SLC44A5: variants seen among roughly 807,000 people sequenced by gnomAD.
SLC44A5 encodes choline transporter-like protein 5.
A neutral mutation model predicts 101.8 loss-of-function variants in SLC44A5; 57 were observed. The ratio of observed to expected loss-of-function variants is 0.56; its 90% CI spans 0.45 to 0.70. The LOEUF (loss-of-function observed/expected upper bound fraction) is 0.70, where lower values mean the gene tolerates loss of function less well. Among genes scored for constraint, SLC44A5 ranks in the 30% least tolerant of loss-of-function variants. The probability of loss-of-function intolerance (pLI) is 0.00; values close to 1 mark genes in which losing one functional copy is unlikely to be tolerated. For synonymous variants in SLC44A5, 281 were observed against 290.9 expected (o/e 0.97, Z 0.35); for missense variants, 737 against 853.1 (o/e 0.86, Z 1.70).
At chr1:75,649,042 A>G in the SLC44A5 span, among the ~76,000 whole-genome samples, 39 of 152,206 alleles carry the variant, frequency 2.6e-4, no homozygotes, top group Non-Finnish European at 4.9e-4. Flanking sequence ...TAGCTGGGAA[A>G]CTATTGGGTA....
chr1:75,676,607 GAGAT>G, the SLC44A5 span, among the ~76,000 whole-genome samples: 1 of 152,190 alleles, frequency 6.6e-6, no homozygotes, highest in Non-Finnish European at 1.5e-5. Flanking sequence ...TTTATAACAG[GAGAT>G]AGATTGATAG....
chr1:75,413,536 T>C lies in SLC44A5; in HGVS notation c.14-16915A>G, dbSNP rs74089221. On this transcript the variant is annotated intron_variant, in intron 2 of 23. Coordinates refer to ENST00000370859, the MANE Select transcript of SLC44A5 (RefSeq NM_001130058.2). ...AGTTTTTCTATTATCTGGGATCTCA[T>C]ATATTTATTTATGACTGTCTAGAAT... Among the ~76,000 whole-genome samples the C allele has an allele frequency of 9.6e-3, 1,465 of 152,326 alleles. 22 individuals carry two copies. Among genetic ancestry groups the C allele is most frequent in the African/African-American group, 0.033 (1,369 of 41,558 alleles).
chr1:75,468,453 C>T lies in SLC44A5; in HGVS notation c.14-71832G>A, dbSNP rs182497127. Among the ~76,000 whole-genome samples the T allele has an allele frequency of 1.3e-3, 196 of 152,106 alleles. 2 individuals are homozygous for T. Among genetic ancestry groups the T allele is most frequent in the African/African-American group, 4.6e-3 (193 of 41,514 alleles). On this transcript the variant is annotated intron_variant, in intron 2 of 23. Transcript: ENST00000370859. ...TCAACAAATGAGTAAATAAAGAAAA[C>T]ATCATATTATACACCATGTAGTACT...
intron 2 of SLC44A5, among the ~76,000 whole-genome samples, chr1:75,482,646 G>A (rs1008628566): frequency 6.6e-5 from 10 of 152,232 alleles, no homozygotes; most frequent in African/African-American, 2.4e-4. Flanking sequence ...TCAGGAACAT[G>A]AGTCTAATAC....
Position 75,274,966 on chromosome 1 carries a change from A to G in SLC44A5, c.252T>C (p.Thr84=). The G allele has an allele frequency of 6.2e-7, 1 of 1,612,162 alleles. No homozygotes were observed. The highest frequency in any genetic ancestry group is 8.5e-7 in the Non-Finnish European group (1 of 1,179,042). The change falls in exon 6 of 24, where the codon ACT becomes ACC. Residue 84 remains threonine, a synonymous_variant. Transcript: ENST00000370859. ...SQGHFCGQKG[T]PNENKTILFY... is the part of the protein sequence containing the mutation. ...AAGGTGGCCATACTCACTCATTGGGAGTGCCCTTCTGGCCACAAAAGTGGC... is the reference window on the plus strand; with the variant it reads ...AAGGTGGCCATACTCACTCATTGGGGGTGCCCTTCTGGCCACAAAAGTGGC...
chr1:75,681,748 T>C, the SLC44A5 span, among the ~76,000 whole-genome samples: 1 of 149,766 alleles, frequency 6.7e-6, no homozygotes, highest in Non-Finnish European at 1.5e-5. Context: ...GTGTTGGAAG[T>C]TCTGGCCAGG....
intron 2 of SLC44A5, among the ~76,000 whole-genome samples, chr1:75,517,860 A>T (rs753227837): frequency 4.6e-5 from 7 of 152,192 alleles, no homozygotes; most frequent in Non-Finnish European, 7.3e-5. Flanking sequence ...GAATAGTTAG[A>T]AAGTGCTTTG....
At chr1:75,354,488 A>T (rs1658921696) in intron 3 of SLC44A5, among the ~76,000 whole-genome samples, 2 of 151,906 alleles carry the variant, frequency 1.3e-5, no homozygotes, top group African/African-American at 4.8e-5. Flanking sequence ...TTTCCTTTCA[A>T]CCCCCACATC....
chr1:75,447,142 A>G (rs1665629982), intron 2 of SLC44A5, among the ~76,000 whole-genome samples: 2 of 152,176 alleles, frequency 1.3e-5, no homozygotes, highest in South Asian at 2.1e-4. Context: ...CCACCACTTC[A>G]TGTGTTAAAC....
chr1:75,644,929 A>C, the SLC44A5 span, among the ~76,000 whole-genome samples: 1 of 152,050 alleles, frequency 6.6e-6, no homozygotes, highest in South Asian at 2.1e-4. Context: ...TTCCAGCTTC[A>C]TCCATGTCCC....
At chr1:75,317,762 T>G (rs182646449) in intron 4 of SLC44A5, among the ~76,000 whole-genome samples, 2 of 152,278 alleles carry the variant, frequency 1.3e-5, no homozygotes, top group Admixed American at 1.3e-4. Flanking sequence ...TCCTTCTTGC[T>G]CCATCCTCAC....
intron 2 of SLC44A5, among the ~76,000 whole-genome samples, chr1:75,494,008 C>T (rs1570443863): frequency 6.6e-6 from 1 of 152,208 alleles, no homozygotes; most frequent in Non-Finnish European, 1.5e-5. Context: ...CCTATGGCTT[C>T]TCTCACTGCT....
intron 4 of SLC44A5, among the ~76,000 whole-genome samples, chr1:75,304,293 G>GGT (rs71081327): frequency 0.022 from 1,436 of 65,446 alleles, 22 homozygotes; most frequent in African/African-American, 0.059. Context: ...TTTTTAAATA[G>GGT]GTGTGTGTGT....
At chr1:75,318,423 GAAAGA>G (rs1157166433) in intron 4 of SLC44A5, among the ~76,000 whole-genome samples, 3 of 133,392 alleles carry the variant, frequency 2.2e-5, no homozygotes, top group Non-Finnish European at 5.1e-5. Flanking sequence ...AAGAAAGAAA[GAAAGA>G]AAGAAATCTG....
At chr1:75,281,479 C>G (rs1652547887) in intron 5 of SLC44A5, among the ~76,000 whole-genome samples, 1 of 152,070 alleles carries the variant, frequency 6.6e-6, no homozygotes. Context: ...AAATTCAAGC[C>G]TGCTGCAGAA....
chr1:75,440,684 T>C (rs370291926), intron 2 of SLC44A5, among the ~76,000 whole-genome samples: 20 of 152,134 alleles, frequency 1.3e-4, no homozygotes, highest in African/African-American at 4.8e-4. Context: ...TGGGAAACTA[T>C]TGCAATAATC....
intron 1 of SLC44A5, among the ~76,000 whole-genome samples, chr1:75,606,983 C>T (rs1011250773): frequency 3.3e-5 from 5 of 151,948 alleles, no homozygotes; most frequent in Admixed American, 1.3e-4. Context: ...CCCAGTGAGT[C>T]TTCCAGTCTG....
chr1:75,535,992 T>C (rs895094542), intron 2 of SLC44A5, among the ~76,000 whole-genome samples: 2 of 148,896 alleles, frequency 1.3e-5, no homozygotes, highest in African/African-American at 5.0e-5. Context: ...GAGGATTGTT[T>C]GAGCCCAGGA....
chr1:75,507,408 G>A (rs755633470), intron 2 of SLC44A5, among the ~76,000 whole-genome samples: 5 of 152,070 alleles, frequency 3.3e-5, no homozygotes, highest in Admixed American at 2.0e-4. Flanking sequence ...CTACGTGATC[G>A]TGACAAATTA....
Sources: gnomAD v4.1 joint callset for allele counts (sites outside exome capture counted in the v4.1 genomes callset) on GRCh38, gnomAD v4.1.1 for gene constraint, MANE v1.5 for transcripts, NCBI Gene and HGNC (gene_info 2026-07-23, HGNC 2026-07-21) for gene names.